Variants in TAF10 observed in about 807,000 individuals in gnomAD.
The protein encoded by TAF10 is TATA-box binding protein associated factor 10, also known as transcription initiation factor TFIID subunit 10.
In TAF10, 2 loss-of-function variants were observed where a neutral mutation model predicts 18.1. The ratio of observed to expected loss-of-function variants is 0.11; its 90% CI spans 0.05 to 0.35. The LOEUF (loss-of-function observed/expected upper bound fraction) is 0.35, where lower values mean the gene tolerates loss of function less well. Ranked by LOEUF, TAF10 falls within the 10% of genes least tolerant of loss-of-function variation. The pLI is 1.00. For missense variants in TAF10, 293 were observed against 306.9 expected (o/e 0.95, Z 0.34); for synonymous variants, 158 against 134.6 (o/e 1.17, Z -1.20).
In TAF10 at chr11:6,608,903, C is replaced by A. The variant is rs775797550; in HGVS notation, c.*2019G>T. On this transcript the variant is annotated 3_prime_UTR_variant, in exon 5 of 5. Coordinates refer to ENST00000299424, the MANE Select transcript of TAF10 (RefSeq NM_006284.4). This position sits in a 1 kb window ranked among gnomAD's most constrained non-coding sequence, Gnocchi z 4.9. ...CCCTAGAGCGGGCAGAGAAGATGGG[C>A]CAGAATCTCAACCGTATTCCATACA... 2.5e-6 allele frequency: 4 copies of A among 1,614,064 alleles called. No homozygotes were observed. The Admixed American group carries it at 6.7e-5, about 27-fold the overall frequency.
rs1057521161 is a variant in TAF10 at position 6,608,175 on chromosome 11, G to C, written c.*2747C>G. On this transcript the variant is annotated 3_prime_UTR_variant, in exon 5 of 5. Coordinates refer to ENST00000299424, the MANE Select transcript of TAF10 (RefSeq NM_006284.4). This position sits in a 1 kb window ranked among gnomAD's most constrained non-coding sequence, Gnocchi z 4.9. ...GTGGGGATGACACCCCCCTGCATCT[G>C]GCAGCCAGTCATGGACACCGTGATA... is the stretch of plus-strand genomic sequence containing the variant. The C allele has an allele frequency of 2.5e-6, 4 of 1,614,146 alleles. No homozygotes were observed. Among genetic ancestry groups the C allele is most frequent in the Non-Finnish European group, 3.4e-6 (4 of 1,180,014 alleles).
At position 6,612,091 on chromosome 11, in the gene TAF10, C is replaced by G. The variant is rs1855481655; in HGVS notation, c.99G>C (p.Leu33=). 2 of 1,235,698 alleles carry G rather than the reference C, an allele frequency of 1.6e-6. No homozygotes were observed. The highest frequency in any genetic ancestry group is 3.6e-5 in the South Asian group (1 of 27,948). 76.5% of individuals were successfully genotyped at this position (1,235,698 alleles called of 1,614,324 possible). ...TGTTCTCCGCGGCGGTGCTGGAGGG[C>G]AGCGCGGCGGGAGCCGAGACCGGGG... ...PAPPVSAPAA[L]PSSTAAENKA... The change falls in exon 1 of 5, where the codon CTG becomes CTC. Residue 33 remains leucine, a synonymous_variant. Coordinates refer to ENST00000299424, the MANE Select transcript of TAF10 (RefSeq NM_006284.4).
At position 6,612,151 on chromosome 11, in the gene TAF10, C is replaced by T; in HGVS notation, c.39G>A (p.Ala13=). 1 of 1,190,734 alleles carries T rather than the reference C, an allele frequency of 8.4e-7. No homozygotes were observed. The highest frequency in any genetic ancestry group is 1.0e-6 in the Non-Finnish European group (1 of 962,966). The allele number at this position is 1,190,734 out of a possible 1,614,324, so 73.8% of individuals were successfully genotyped here. ...CCGGGGCCGAGGCGGCGGAGGCCGG[C>T]GCCGCCTCGGGGTCCGCGCCGGAGC... ...CSGSGADPEA[A]PASAASAPGP... The change falls in exon 1 of 5, where the codon GCG becomes GCA. Residue 13 remains alanine (A), a synonymous_variant. Transcript: ENST00000299424.
chr11:6,612,007 C>T lies in TAF10; in HGVS notation c.183G>A (p.Thr61=). Residue 61 remains threonine, a synonymous_variant, in exon 1 of 5, where the codon ACG becomes ACA. Transcript: ENST00000299424. ...GPGAGAAAGG[T]GPLAARAGEP... ...CCCCGGCCCGCGCCGCCAAGGGTCC[C>T]GTGCCCCCAGCAGCTGCTCCAGCCC... 3.9e-6 allele frequency: 6 copies of T among 1,544,948 alleles called. No homozygotes were observed. Among genetic ancestry groups the T allele is most frequent in the Non-Finnish European group, 4.3e-6 (5 of 1,153,010 alleles).
chr11:6,611,612 GGCTGAAAGTTTTGACA>G (rs1402124668), intron 2 of TAF10, 36 bp downstream of exon 2: 2 of 1,580,748 alleles, frequency 1.3e-6, no homozygotes, highest in Non-Finnish European at 1.7e-6. Context: ...AGCACGATGT[GGCTGAAAGTTTTGACA>G]GCAGGCTAGG....
Position 6,609,382 on chromosome 11 carries a change from C to T in TAF10, c.*1540G>A. 1 of 1,614,060 alleles carries T rather than the reference C, an allele frequency of 6.2e-7. No individual in the cohort carries two copies. The highest frequency in any genetic ancestry group is 1.1e-5 in the South Asian group (1 of 91,080). On this transcript the variant is annotated 3_prime_UTR_variant, in exon 5 of 5. Coordinates refer to ENST00000299424, the MANE Select transcript of TAF10 (RefSeq NM_006284.4). ...ACTGGAGTACAAGGAAGAGCAGGGA[C>T]TTCAATGAAGAGTGTCCCCGGCTCA...
rs770490553 is a variant in TAF10 at position 6,609,208 on chromosome 11, G to C, written c.*1714C>G. On this transcript the variant is annotated 3_prime_UTR_variant, in exon 5 of 5. Transcript: ENST00000299424. ...CTCACTAAACCCCCATAAATTACTT[G>C]CTTTGTACCTGTTTTAAGTTTTTCC... The C allele has an allele frequency of 3.7e-6, 6 of 1,600,358 alleles. No individual in the cohort carries two copies. The South Asian group carries it at 6.6e-5, about 18-fold the overall frequency.
chr11:6,611,787 C>A lies in TAF10; in HGVS notation c.264G>T (p.Pro88=), dbSNP rs778360955. Residue 88 remains proline, a synonymous_variant, in exon 2 of 5, where the codon CCG becomes CCT. Transcript: ENST00000299424. The part of the protein sequence containing the change: ...APVSAGGAAP[P]EGAISNGVYV... ...AAACCCCGTTAGATATGGCCCCCTC[C>A]GGGGGCGCCGCGCCACCCGCCGACA... 6.2e-7 allele frequency: 1 copy of A among 1,600,072 alleles called. No individual in the cohort carries two copies. Among genetic ancestry groups the A allele is most frequent in the South Asian group, 1.1e-5 (1 of 90,012 alleles).
rs1855094346 is a variant in TAF10, at chr11:6,607,967, G to C, written c.*2955C>G. The stretch of plus-strand genomic sequence containing the variant: ...AGAGGTAAGCCTTCCCAGAGAGTAT[G>C]TAATTATCAGTTTTTCAGGAATCAA... On this transcript the variant is annotated 3_prime_UTR_variant, in exon 5 of 5. Transcript: ENST00000299424. 1 of 1,430,556 alleles carries C rather than the reference G, an allele frequency of 7.0e-7. No homozygotes were observed. The highest frequency in any genetic ancestry group is 9.8e-7 in the Non-Finnish European group (1 of 1,020,370). 88.6% of individuals were successfully genotyped at this position (1,430,556 alleles called of 1,614,324 possible).
In TAF10 at chr11:6,608,212, G is replaced by A; in HGVS notation, c.*2710C>T. On this transcript the variant is annotated 3_prime_UTR_variant, in exon 5 of 5. Coordinates refer to ENST00000299424, the MANE Select transcript of TAF10 (RefSeq NM_006284.4). This position sits in a 1 kb window ranked among gnomAD's most constrained non-coding sequence, Gnocchi z 4.9. ...TGGACACCGTGATATTGTACAGAAG[G>A]TACGTACAAACTCCTTCGTCATCCA... 1 of 1,614,164 alleles carries A rather than the reference G, an allele frequency of 6.2e-7. No individual in the cohort carries two copies. The highest frequency in any genetic ancestry group is 8.5e-7 in the Non-Finnish European group (1 of 1,180,004).
rs774464359 is a variant in TAF10, at chr11:6,609,492, C to T, written c.*1430G>A. ...AGAGATCTTTTGTACTGGGTCTCAA[C>T]CACTCCCTCCCTCTTCTAGGATTTT... On this transcript the variant is annotated 3_prime_UTR_variant, in exon 5 of 5. Transcript: ENST00000299424. 2.5e-6 allele frequency: 4 copies of T among 1,614,016 alleles called. No individual in the cohort carries two copies. In the East Asian group the frequency reaches 8.9e-5, roughly 36 times the overall value.
chr11:6,608,653 A>T lies in TAF10; in HGVS notation c.*2269T>A. 6.6e-7 allele frequency: 1 copy of T among 1,514,808 alleles called. No individual in the cohort carries two copies. The highest frequency in any genetic ancestry group is 9.2e-7 in the Non-Finnish European group (1 of 1,089,150). 93.8% of individuals were successfully genotyped at this position (1,514,808 alleles called of 1,614,324 possible). The stretch of plus-strand genomic sequence containing the variant: ...ATGGTTGGTTCAGTGACTGCCAGCG[A>T]GGTAGCAGTGGCTCTCATCATAATG... On this transcript the variant is annotated 3_prime_UTR_variant, in exon 5 of 5. Coordinates refer to ENST00000299424, the MANE Select transcript of TAF10 (RefSeq NM_006284.4). The surrounding 1 kb of genome is among the most constrained non-coding windows in gnomAD (Gnocchi z 4.9).
intron 2 of TAF10, 30 bp downstream of exon 2, chr11:6,611,634 C>A: frequency 6.3e-7 from 1 of 1,576,738 alleles, no homozygotes. Flanking sequence ...TGACAGCAGG[C>A]TAGGTGGCCT....
rs1286002827 is a variant in TAF10, at chr11:6,610,060, G to A, written c.*862C>T. ...GGTGAGTGAAGTCATCATGTCGGGAGGTAAAAAAGGACCACCTCAGAAGTA... is the reference window on the plus strand; with the variant it reads ...GGTGAGTGAAGTCATCATGTCGGGAAGTAAAAAAGGACCACCTCAGAAGTA... On this transcript the variant is annotated 3_prime_UTR_variant, in exon 5 of 5. Transcript: ENST00000299424. 1.2e-6 allele frequency: 2 copies of A among 1,613,980 alleles called. No homozygotes were observed. The highest frequency in any genetic ancestry group is 1.1e-5 in the South Asian group (1 of 91,088).
rs1419667715 is a variant in TAF10, at chr11:6,608,355, A to G, written c.*2567T>C. The G allele has an allele frequency of 6.3e-7, 1 of 1,596,774 alleles. No individual in the cohort carries two copies. The highest frequency in any genetic ancestry group is 1.1e-5 in the South Asian group (1 of 90,726). ...CAGTATCTCATTTGGAACTGACTGT[A>G]CTTTCTGCCTCTTCTTTTTGTCTGG... is the stretch of plus-strand genomic sequence containing the variant. On this transcript the variant is annotated 3_prime_UTR_variant, in exon 5 of 5. Transcript: ENST00000299424. The surrounding 1 kb of genome is among the most constrained non-coding windows in gnomAD (Gnocchi z 4.9).
In TAF10 at chr11:6,608,673, A is replaced by C. The variant is rs1272083936; in HGVS notation, c.*2249T>G. 6.2e-7 allele frequency: 1 copy of C among 1,601,190 alleles called. No individual in the cohort carries two copies. Among genetic ancestry groups the C allele is most frequent in the African/African-American group, 1.3e-5 (1 of 74,684 alleles). ...CAGCGAGGTAGCAGTGGCTCTCATC[A>C]TAATGGCCTTTTCATTCCAGGACCT... is the stretch of plus-strand genomic sequence containing the variant. On this transcript the variant is annotated 3_prime_UTR_variant, in exon 5 of 5. Coordinates refer to ENST00000299424, the MANE Select transcript of TAF10 (RefSeq NM_006284.4). The surrounding 1 kb of genome is among the most constrained non-coding windows in gnomAD (Gnocchi z 4.9).
At position 6,609,421 on chromosome 11, in the gene TAF10, G is replaced by A. The variant is rs368709206; in HGVS notation, c.*1501C>T. ...GTCCCCGGCTCAGGTAGTGCAAGGC[G>A]TAACCTGGAAGCTGCTAGTTCCAAG... On this transcript the variant is annotated 3_prime_UTR_variant, in exon 5 of 5. Transcript: ENST00000299424. 3.3e-5 allele frequency: 54 copies of A among 1,613,092 alleles called. No homozygotes were observed. The highest frequency in any genetic ancestry group is 4.3e-5 in the Non-Finnish European group (51 of 1,179,338).
Position 6,609,022 on chromosome 11 carries a change from G to A in TAF10, c.*1900C>T, listed in dbSNP as rs1262822590. 5.6e-6 allele frequency: 9 copies of A among 1,612,216 alleles called. No homozygotes were observed. The Admixed American group carries it at 8.3e-5, about 15-fold the overall frequency. ...TAAAAGGAAATAATCCTGGCCTCTT[G>A]GGGCTGGGTTAGGGTGAAGCTGGGT... On this transcript the variant is annotated 3_prime_UTR_variant, in exon 5 of 5. Transcript: ENST00000299424.
rs939849215 is a variant in TAF10 at position 6,607,754 on chromosome 11, G to A, written c.*3168C>T. ...AGGACCAATAGATGTTGCAGAAGGG[G>A]TGCAAGAGAAACCAGGGGAAGAGCA... On this transcript the variant is annotated 3_prime_UTR_variant, in exon 5 of 5. Coordinates refer to ENST00000299424, the MANE Select transcript of TAF10 (RefSeq NM_006284.4). The A allele has an allele frequency of 4.4e-6, 2 of 451,716 alleles. No individual in the cohort carries two copies. The highest frequency in any genetic ancestry group is 7.0e-5 in the Admixed American group (2 of 28,708). 28.0% of individuals were successfully genotyped at this position (451,716 alleles called of 1,614,324 possible).
Sources: gnomAD v4.1 joint callset for allele counts on GRCh38, gnomAD v4.1.1 for gene constraint, Gnocchi (gnomAD v3.1) non-coding constraint, MANE v1.5 for transcripts, NCBI Gene and HGNC (gene_info 2026-07-23, HGNC 2026-07-21) for gene names.